ASTL: variants seen among roughly 807,000 people sequenced by gnomAD.
ASTL encodes the protein astacin-like metalloendopeptidase.
ASTL carries 27 observed loss-of-function variants against 36.7 expected under a neutral mutation model. The observed-to-expected ratio is 0.73, with a 90% CI of 0.54 to 1.01. The LOEUF is 1.01. Ranked by LOEUF, ASTL falls within the 50% of genes least tolerant of loss-of-function variation. The pLI is 0.00. For missense variants in ASTL, 524 were observed against 572.8 expected, an observed-to-expected ratio of 0.91 and a Z score of 0.87; for synonymous variants, 222 against 228.1, an observed-to-expected ratio of 0.97 and a Z score of 0.24.
At chr2:96,137,196 C>T (rs971245625) in intron 2 of ASTL, among the ~76,000 whole-genome samples, 41 of 152,320 alleles carry the variant, frequency 2.7e-4, no homozygotes, top group Non-Finnish European at 4.9e-4. Flanking sequence ...GGGTGGCTGA[C>T]AATCTCAGAC....
chr2:96,137,356 G>T (rs1308353557), intron 2 of ASTL, among the ~76,000 whole-genome samples: 1 of 152,200 alleles, frequency 6.6e-6, no homozygotes, highest in Non-Finnish European at 1.5e-5. Context: ...TGTAGTCCCA[G>T]CTGCTCGGGA....
Position 96,122,857 on chromosome 2 carries a change from G to T in ASTL, c.*993C>A, listed in dbSNP as rs1302114246. Among the ~76,000 whole-genome samples the T allele has an allele frequency of 6.6e-6, 1 of 152,230 alleles. No individual in the cohort carries two copies. The highest frequency in any genetic ancestry group is 1.5e-5 in the Non-Finnish European group (1 of 68,034). ...TCCACTTTATTTCCTCCCCCAACAT[G>T]TGGGGCTCCTGCCCCTTCTACCCCA... is the stretch of plus-strand genomic sequence containing the variant. On this transcript the variant is annotated 3_prime_UTR_variant, in exon 9 of 9. Coordinates refer to ENST00000342380, the MANE Select transcript of ASTL (RefSeq NM_001002036.4).
chr2:96,128,136 G>A lies in ASTL; in HGVS notation c.874+1688C>T, dbSNP rs1461798298. Among the ~76,000 whole-genome samples the A allele has an allele frequency of 2.6e-5, 4 of 151,700 alleles. No individual in the cohort carries two copies. In the South Asian group the frequency reaches 6.2e-4, roughly 24 times the overall value. On this transcript the variant is annotated intron_variant, in intron 8 of 8. Coordinates refer to ENST00000342380, the MANE Select transcript of ASTL (RefSeq NM_001002036.4). ...AATCCCAGCTACAAGGGAGGCTGAC[G>A]CAGGAGAATCACTTGAACCTGGGAG...
rs1558712867 is a variant in ASTL at position 96,124,411 on chromosome 2, C to T, written c.875-140G>A. ...CCTAGTGCATCCAAGACCCAGATTC[C>T]CACCCTACCAGAGACCAGGACAATG... On this transcript the variant is annotated intron_variant, in intron 8 of 8. Coordinates refer to ENST00000342380, the MANE Select transcript of ASTL (RefSeq NM_001002036.4). This position sits in a 1 kb window ranked among gnomAD's most constrained non-coding sequence, Gnocchi z 4.1. 3.1e-6 allele frequency: 2 copies of T among 649,542 alleles called. No homozygotes were observed. Among genetic ancestry groups the T allele is most frequent in the Non-Finnish European group, 4.7e-6 (2 of 423,100 alleles). The allele number at this position is 649,542 out of a possible 1,614,324, so 40.2% of individuals were successfully genotyped here.
At chr2:96,128,246 A>AT (rs1286945600) in intron 8 of ASTL, among the ~76,000 whole-genome samples, 1 of 151,926 alleles carries the variant, frequency 6.6e-6, no homozygotes, top group Non-Finnish European at 1.5e-5. Flanking sequence ...AAAAAAAAAA[A>AT]AGTCTATTTG....
At position 96,135,405 on chromosome 2, in the gene ASTL, G is replaced by C. The variant is rs1183433805; in HGVS notation, c.189C>G (p.Ile63Met). ...AGCTGCTCTCTGGGGTTTCTTCCAGGATGAGCCCTGGGAAAGGAAGAAGGA... is the reference window on the plus strand; with the variant it reads ...AGCTGCTCTCTGGGGTTTCTTCCAGCATGAGCCCTGGGAAAGGAAGAAGGA... ...KDIPAINQGLILEETPESSFL... is the reference protein window; with the variant it reads ...KDIPAINQGLMLEETPESSFL... The change falls in exon 3 of 9, where the codon ATC becomes ATG. Residue 63 changes from isoleucine to methionine, a missense_variant. Ile to Met is a conservative substitution (Grantham distance 10, BLOSUM62 1). Transcript: ENST00000342380. 1 of 1,614,176 alleles carries C rather than the reference G, an allele frequency of 6.2e-7. No homozygotes were observed. Among genetic ancestry groups the C allele is most frequent in the Non-Finnish European group, 8.5e-7 (1 of 1,180,012 alleles).
chr2:96,137,651 A>G lies in ASTL; in HGVS notation c.105T>C (p.Gly35=). ...GGGTGAGGCCATCTGGGAAGCTGGTACCACAGGCTCCTGCGCAGCTGGAGG... is the reference window on the plus strand; with the variant it reads ...GGGTGAGGCCATCTGGGAAGCTGGTGCCACAGGCTCCTGCGCAGCTGGAGG... The part of the protein sequence containing the change: ...PLASSCAGAC[G]TSFPDGLTPE... Residue 35 remains glycine (G), a synonymous_variant, in exon 2 of 9, where the codon GGT becomes GGC. Transcript: ENST00000342380. The G allele has an allele frequency of 1.2e-6, 2 of 1,613,882 alleles. No homozygotes were observed. The highest frequency in any genetic ancestry group is 1.7e-6 in the Non-Finnish European group (2 of 1,179,868).
chr2:96,130,879 T>C (rs1400497289), intron 6 of ASTL, among the ~76,000 whole-genome samples: 1 of 152,254 alleles, frequency 6.6e-6, no homozygotes, highest in African/African-American at 2.4e-5. Context: ...AGTAGTATAT[T>C]CATTTGGTTC....
chr2:96,136,046 C>T (rs1185158320), intron 2 of ASTL, among the ~76,000 whole-genome samples: 2 of 152,160 alleles, frequency 1.3e-5, no homozygotes, highest in Non-Finnish European at 2.9e-5. Context: ...AGGCAAATAC[C>T]GGCTCTCGCA....
rs747604715 is a variant in ASTL, at chr2:96,132,592, C to T, written c.585G>A (p.Thr195=). 4.3e-6 allele frequency: 7 copies of T among 1,612,654 alleles called. No homozygotes were observed. Among genetic ancestry groups the T allele is most frequent in the East Asian group, 2.2e-5 (1 of 44,852 alleles). The change falls in exon 6 of 9, where the codon ACG becomes ACA. Residue 195 remains threonine, a synonymous_variant. Coordinates refer to ENST00000342380, the MANE Select transcript of ASTL (RefSeq NM_001002036.4). This position sits in a 1 kb window ranked among gnomAD's most constrained non-coding sequence, Gnocchi z 5.4. The part of the protein sequence containing the change: ...MHVLGFWHEH[T]RADRDRYIRV... ...GGATATAGCGGTCCCGGTCGGCCCGCGTGTGCTCGTGCCAGAAGCCCAGCA... is the reference window on the plus strand; with the variant it reads ...GGATATAGCGGTCCCGGTCGGCCCGTGTGTGCTCGTGCCAGAAGCCCAGCA...
In ASTL at chr2:96,124,418, AC is replaced by A; in HGVS notation, c.875-148del. The A allele has an allele frequency of 3.3e-6, 2 of 607,098 alleles. No homozygotes were observed. Among genetic ancestry groups the A allele is most frequent in the Non-Finnish European group, 5.2e-6 (2 of 385,906 alleles). The allele number at this position is 607,098 out of a possible 1,614,324, so 37.6% of individuals were successfully genotyped here. The stretch of plus-strand genomic sequence containing the variant: ...CATCCAAGACCCAGATTCCCACCCT[AC>A]CAGAGACCAGGACAATGAAGCCATC... On this transcript the variant is annotated intron_variant, in intron 8 of 8. Coordinates refer to ENST00000342380, the MANE Select transcript of ASTL (RefSeq NM_001002036.4). The surrounding 1 kb of genome is among the most constrained non-coding windows in gnomAD (Gnocchi z 4.1).
rs559739374 is a variant in ASTL, at chr2:96,124,014, C to A, written c.1132G>T (p.Ala378Ser). The change falls in exon 9 of 9, where the codon GCC becomes TCC. Residue 378 changes from alanine to serine, a missense_variant. Ala to Ser is a moderately conservative substitution (Grantham distance 99). Coordinates refer to ENST00000342380, the MANE Select transcript of ASTL (RefSeq NM_001002036.4). The surrounding 1 kb of genome is among the most constrained non-coding windows in gnomAD (Gnocchi z 4.1). ...GACTGCTCCTGAGCAACACCGGGGGCACCTGCTCCAGGCCTTGATCTTGGG... is the reference window on the plus strand; with the variant it reads ...GACTGCTCCTGAGCAACACCGGGGGAACCTGCTCCAGGCCTTGATCTTGGG... ...SSPRSRPGAG[A>S]PGVAQEQSWL... 1 of 1,614,036 alleles carries A rather than the reference C, an allele frequency of 6.2e-7. No homozygotes were observed. The highest frequency in any genetic ancestry group is 1.1e-5 in the South Asian group (1 of 91,084).
In ASTL at chr2:96,129,947, T is replaced by C. The variant is rs1454200789; in HGVS notation, c.751A>G (p.Ile251Val). The change falls in exon 8 of 9, where the codon ATC becomes GTC. Residue 251 changes from isoleucine (I) to valine (V), a missense_variant. Ile to Val is a conservative substitution (Grantham distance 29). Transcript: ENST00000342380. ...ACACTGGGGGCCCAAAGTGGTGTGA[T>C]GGTGGGCAGCCCACGCCGGCTGAAG... ...LAFSRRGLPT[I>V]TPLWAPSVHI... is the part of the protein sequence containing the mutation. 8.7e-6 allele frequency: 14 copies of C among 1,605,064 alleles called. No homozygotes were observed. The highest frequency in any genetic ancestry group is 1.1e-5 in the South Asian group (1 of 90,732).
intron 8 of ASTL, 126 bp downstream of exon 8, chr2:96,129,698 G>C (rs1160254964): frequency 3.5e-6 from 3 of 865,266 alleles, no homozygotes; most frequent in African/African-American, 3.4e-5. Flanking sequence ...CGTCGTTGTG[G>C]CAAGCCCCCG....
rs1573907792 is a variant in ASTL, at chr2:96,123,295, C to T, written c.*555G>A. On this transcript the variant is annotated 3_prime_UTR_variant, in exon 9 of 9. Coordinates refer to ENST00000342380, the MANE Select transcript of ASTL (RefSeq NM_001002036.4). ...TGGCCACACTTGACCTACCACCTTCCTGCTCTGCAGGGGAGTAAGTTGGGC... is the reference window on the plus strand; with the variant it reads ...TGGCCACACTTGACCTACCACCTTCTTGCTCTGCAGGGGAGTAAGTTGGGC... 6.6e-6 allele frequency among the ~76,000 whole-genome samples: 1 copy of T among 152,230 alleles called. No homozygotes were observed. The highest frequency in any genetic ancestry group is 1.5e-5 in the Non-Finnish European group (1 of 68,024).
Position 96,124,098 on chromosome 2 carries a change from C to A in ASTL, c.1048G>T (p.Ala350Ser), listed in dbSNP as rs1338934887. The A allele has an allele frequency of 1.9e-6, 3 of 1,607,272 alleles. No individual in the cohort carries two copies. The highest frequency in any genetic ancestry group is 2.6e-6 in the Non-Finnish European group (3 of 1,175,738). Residue 350 changes from alanine to serine, a missense_variant, in exon 9 of 9, where the codon GCC (alanine) becomes TCC (serine). Transcript: ENST00000342380. This position sits in a 1 kb window ranked among gnomAD's most constrained non-coding sequence, Gnocchi z 4.1. ...GESPHGWESP[A>S]LKKLSAEASA... ...GCCTCTGCACTGAGCTTTTTCAGGG[C>A]AGGGGACTCCCACCCATGTGGGCTC...
At chr2:96,133,703 T>C in intron 4 of ASTL, 161 bp from the exon 5 acceptor site, 1 of 647,330 alleles carries the variant, frequency 1.5e-6, no homozygotes, top group African/African-American at 1.8e-5. Context: ...AGACCCTGGC[T>C]GTGTGGCCTT....
In ASTL at chr2:96,133,664, T is replaced by C. The variant is rs1573915211; in HGVS notation, c.338-122A>G. 5.2e-6 allele frequency: 4 copies of C among 763,512 alleles called. No homozygotes were observed. The East Asian group carries it at 7.6e-5, about 14-fold the overall frequency. 47.3% of individuals were successfully genotyped at this position (763,512 alleles called of 1,614,324 possible). A position where few individuals can be genotyped will look rare whatever the true frequency, so the allele number is the denominator to read the frequency against. Reference sequence around the variant, plus strand: ...ATAGCATCAAGAAAGGGCAGCTTAGTGGTGCCAGGAAGAAGCTGGGCCCCA... The same window carrying C: ...ATAGCATCAAGAAAGGGCAGCTTAGCGGTGCCAGGAAGAAGCTGGGCCCCA... On this transcript the variant is annotated intron_variant, in intron 4 of 8. Coordinates refer to ENST00000342380, the MANE Select transcript of ASTL (RefSeq NM_001002036.4).
chr2:96,128,558 A>G (rs763709112), intron 8 of ASTL, among the ~76,000 whole-genome samples: 19 of 152,238 alleles, frequency 1.2e-4, no homozygotes, highest in Non-Finnish European at 2.5e-4. Context: ...CATAGTGACC[A>G]TCAATGGCCC....
Sources: allele counts gnomAD v4.1 joint callset (sites outside exome capture counted in the v4.1 genomes callset), GRCh38; gene constraint gnomAD v4.1.1; non-coding constraint Gnocchi (gnomAD v3.1); transcripts MANE v1.5; gene names NCBI Gene and HGNC (gene_info 2026-07-23, HGNC 2026-07-21).